TTC27: variants seen among roughly 807,000 people sequenced by gnomAD.
TTC27 encodes tetratricopeptide repeat domain 27.
In TTC27, 79 loss-of-function variants were observed where a neutral mutation model predicts 115.9. The observed-to-expected ratio is 0.68, with a 90% CI of 0.57 to 0.82. TTC27 has a LOEUF of 0.82. Ranked by LOEUF, TTC27 falls within the 40% of genes least tolerant of loss-of-function variation. TTC27 has a pLI of 0.00. For synonymous variants in TTC27, 401 were observed against 356.0 expected (o/e 1.13, Z -1.42); for missense variants, 1,054 against 993.1 (o/e 1.06, Z -0.82).
intron 4 of TTC27, among the ~76,000 whole-genome samples, chr2:32,643,516 C>G (rs1269182839): frequency 6.6e-6 from 1 of 151,820 alleles, no homozygotes; most frequent in East Asian, 2.0e-4. Flanking sequence ...CTATGTTGGC[C>G]AACTGGTCTC....
chr2:32,811,054 G>A lies in TTC27; in HGVS notation c.2029G>A (p.Asp677Asn). The change falls in exon 17 of 20, where the codon GAT becomes AAT. Residue 677 changes from aspartate (D) to asparagine (N), a missense_variant. Physicochemically the swap from Asp to Asn is conservative, Grantham distance 23. Coordinates refer to ENST00000317907, the MANE Select transcript of TTC27 (RefSeq NM_017735.5). ...TAAAATTCTAGTCAGGGCAGTGATTGATGGGATGACTGATCGAAGTGGAGA... is the reference window on the plus strand; with the variant it reads ...TAAAATTCTAGTCAGGGCAGTGATTAATGGGATGACTGATCGAAGTGGAGA... ...VLKILVRAVIDGMTDRSGDVA... is the reference protein window; with the variant it reads ...VLKILVRAVINGMTDRSGDVA... 2 of 1,614,168 alleles carry A rather than the reference G, an allele frequency of 1.2e-6. No homozygotes were observed. Among genetic ancestry groups the A allele is most frequent in the Non-Finnish European group, 1.7e-6 (2 of 1,180,006 alleles).
chr2:32,716,237 C>T (rs1040634442), intron 10 of TTC27, among the ~76,000 whole-genome samples: 6 of 152,232 alleles, frequency 3.9e-5, no homozygotes, highest in African/African-American at 1.4e-4. Context: ...CTAGCTCATT[C>T]ATTCCAGCAG....
At chr2:32,659,057 T>A (rs934881739) in intron 5 of TTC27, among the ~76,000 whole-genome samples, 3 of 152,170 alleles carry the variant, frequency 2.0e-5, no homozygotes, top group Non-Finnish European at 4.4e-5. Context: ...CTTGAACTTT[T>A]GGGTTCAAAT....
intron 12 of TTC27, among the ~76,000 whole-genome samples, chr2:32,756,377 T>C (rs1448622084): frequency 6.6e-6 from 1 of 152,242 alleles, no homozygotes; most frequent in Non-Finnish European, 1.5e-5. Context: ...GGTACTTTAA[T>C]AGCTATTGTA....
At chr2:32,692,036 G>GTTTTTTTTTTTGTTTT (rs1666831349) in intron 9 of TTC27, among the ~76,000 whole-genome samples, 1 of 61,190 alleles carries the variant, frequency 1.6e-5, no homozygotes, top group Non-Finnish European at 2.9e-5. Flanking sequence ...AATTTTTTAG[G>GTTTTTTTTTTTGTTTT]TTTTTTTTTT....
chr2:32,652,764 A>G (rs565413272), intron 5 of TTC27, among the ~76,000 whole-genome samples: 24 of 152,334 alleles, frequency 1.6e-4, no homozygotes, highest in Middle Eastern at 3.4e-3. Flanking sequence ...TCCAAATGTA[A>G]TAACTGAAAT....
intron 9 of TTC27, among the ~76,000 whole-genome samples, chr2:32,689,852 T>C (rs1666754502): frequency 6.6e-6 from 1 of 152,188 alleles, no homozygotes; most frequent in African/African-American, 2.4e-5. Context: ...TAAAGTGAAG[T>C]ATTAATATAT....
At chr2:32,750,397 A>G (rs1296988300) in intron 12 of TTC27, among the ~76,000 whole-genome samples, 1 of 152,196 alleles carries the variant, frequency 6.6e-6, no homozygotes, top group Non-Finnish European at 1.5e-5. Context: ...CAACTTTCCA[A>G]GAGTAAAGGC....
intron 5 of TTC27, among the ~76,000 whole-genome samples, chr2:32,656,105 T>G (rs1394118866): frequency 6.6e-6 from 1 of 152,164 alleles, no homozygotes; most frequent in East Asian, 1.9e-4. Context: ...TCTTTTTTTT[T>G]TAATGAGGAA....
At chr2:32,735,653 C>G (rs1163959721) in intron 11 of TTC27, among the ~76,000 whole-genome samples, 2 of 146,430 alleles carry the variant, frequency 1.4e-5, no homozygotes, top group Non-Finnish European at 3.1e-5. Flanking sequence ...GAGAATTAGT[C>G]TCTACTTTGC....
At chr2:32,659,977 T>G (rs1301289792) in intron 5 of TTC27, among the ~76,000 whole-genome samples, 1 of 152,200 alleles carries the variant, frequency 6.6e-6, no homozygotes, top group Non-Finnish European at 1.5e-5. Context: ...AGTAAACATA[T>G]GTGTGCATGT....
At chr2:32,669,897 A>AAG (rs1454249554) in intron 7 of TTC27, among the ~76,000 whole-genome samples, 7 of 103,092 alleles carry the variant, frequency 6.8e-5, no homozygotes, top group African/African-American at 1.1e-4. Flanking sequence ...AAAAAAAAAA[A>AAG]AAAAGAAAAG....
At chr2:32,684,083 G>A (rs998549653) in intron 9 of TTC27, among the ~76,000 whole-genome samples, 5 of 152,092 alleles carry the variant, frequency 3.3e-5, no homozygotes, top group Admixed American at 1.3e-4. Flanking sequence ...GCTTGAACCC[G>A]GGAGGCGGAA....
intron 9 of TTC27, among the ~76,000 whole-genome samples, chr2:32,679,786 G>T (rs1025284619): frequency 6.6e-6 from 1 of 152,058 alleles, no homozygotes; most frequent in African/African-American, 2.4e-5. Context: ...TGAGATCAGG[G>T]GTTCGGACCA....
chr2:32,757,625 T>C (rs960309922), intron 12 of TTC27, among the ~76,000 whole-genome samples: 1 of 152,234 alleles, frequency 6.6e-6, no homozygotes, highest in Non-Finnish European at 1.5e-5. Flanking sequence ...AATTAAGCTG[T>C]GCACATTTTT....
chr2:32,639,562 G>A (rs376780491), intron 3 of TTC27, among the ~76,000 whole-genome samples: 1 of 152,074 alleles, frequency 6.6e-6, no homozygotes, highest in Non-Finnish European at 1.5e-5. Flanking sequence ...AAATGTAGGT[G>A]TTTAATATAA....
intron 3 of TTC27, among the ~76,000 whole-genome samples, chr2:32,636,236 C>G (rs542800631): frequency 6.6e-6 from 1 of 151,982 alleles, no homozygotes; most frequent in Non-Finnish European, 1.5e-5. Flanking sequence ...TGTTTTGAGA[C>G]GGAGTCTCAC....
chr2:32,782,236 C>T (rs146412121), intron 14 of TTC27, among the ~76,000 whole-genome samples: 21 of 152,064 alleles, frequency 1.4e-4, no homozygotes, highest in Non-Finnish European at 2.1e-4. Context: ...CCCCCCTATC[C>T]GGTGAAGAAG....
At chr2:32,665,700 C>T (rs1665747286) in intron 6 of TTC27, among the ~76,000 whole-genome samples, 1 of 152,138 alleles carries the variant, frequency 6.6e-6, no homozygotes, top group Non-Finnish European at 1.5e-5. Context: ...CGAGACCATC[C>T]TGGCCAACAT....
Sources: allele counts gnomAD v4.1 joint callset (sites outside exome capture counted in the v4.1 genomes callset), GRCh38; gene constraint gnomAD v4.1.1; transcripts MANE v1.5; gene names NCBI Gene and HGNC (gene_info 2026-07-23, HGNC 2026-07-21).